The following NIN variants were observed in gnomAD, a reference collection of about 807,000 sequenced individuals.
NIN encodes ninein, also known as glycogen synthase kinase 3 beta-interacting protein.
Under a neutral mutation model 257.6 loss-of-function variants are expected in NIN, and 137 were observed. The ratio of observed to expected loss-of-function variants is 0.53; its 90% confidence interval spans 0.46 to 0.61. The LOEUF is 0.61. NIN is among the 20% of genes least tolerant of loss of function. The pLI, the probability that NIN is intolerant of heterozygous loss-of-function variation, is 0.00. For synonymous variants in NIN, 918 were observed against 919.8 expected, an observed-to-expected ratio of 1.00 and a Z score of 0.04; for missense variants, 2,439 against 2,501.2, an observed-to-expected ratio of 0.98 and a Z score of 0.53.
chr14:50,733,441 T>A (rs989154203), intron 28 of NIN, among the ~76,000 whole-genome samples: 1 of 152,220 alleles, frequency 6.6e-6, no homozygotes, highest in African/African-American at 2.4e-5. Context: ...TAAATAGGTA[T>A]GAGATGTTCT....
In NIN at chr14:50,728,815, G is replaced by GAGC. The variant is rs2040541883; in HGVS notation, c.6078+705_6078+707dup. ...GTAATATAAGATTGGATGTGGTGGT[G>GAGC]AGCTGGGATCATGCTAATGCAAACA... On this transcript the variant is annotated intron_variant, in intron 29 of 30. Coordinates refer to ENST00000530997, the MANE Select transcript of NIN (RefSeq NM_020921.4). Among the ~76,000 whole-genome samples the GAGC allele has an allele frequency of 1.1e-4, 17 of 152,336 alleles. No homozygotes were observed. The South Asian group carries it at 3.5e-3, about 32-fold the overall frequency.
At chr14:50,827,443 A>G (rs1262220893) in intron 2 of NIN, among the ~76,000 whole-genome samples, 1 of 152,190 alleles carries the variant, frequency 6.6e-6, no homozygotes, top group Non-Finnish European at 1.5e-5. Context: ...GAAGAAAGTC[A>G]CATTAAATAC....
intron 15 of NIN, 59 bp from the exon 16 acceptor site, chr14:50,761,970 C>G: frequency 6.3e-7 from 1 of 1,579,814 alleles, no homozygotes; most frequent in South Asian, 1.1e-5. Flanking sequence ...CACAGTGTGG[C>G]ATCTGAGGAG....
Position 50,738,187 on chromosome 14 carries a change from T to C in NIN, c.5728A>G (p.Arg1910Gly), listed in dbSNP as rs1438276100. ...TCTTTCTGAAACTGATCACACTCTC[T>C]CTTTAAGCTCAATTTTTCTTGCTCT... ...PTEQEKLSLK[R>G]ECDQFQKEQS... The change falls in exon 27 of 31, where the codon AGA becomes GGA. Residue 1910 changes from arginine to glycine, a missense_variant. Arg to Gly is a moderately radical substitution (Grantham distance 125). Around this residue, in one of 3 missense-constraint regions of NIN, gnomAD observed 2,043 missense variants for 2,050.2 expected, o/e 1.00. Transcript: ENST00000530997. 6.2e-7 allele frequency: 1 copy of C among 1,614,150 alleles called. No individual in the cohort carries two copies. Among genetic ancestry groups the C allele is most frequent in the African/African-American group, 1.3e-5 (1 of 75,038 alleles).
rs766954880 is a variant in NIN, at chr14:50,772,324, C to T, written c.958G>A (p.Glu320Lys). The T allele has an allele frequency of 2.5e-6, 4 of 1,611,860 alleles. No individual in the cohort carries two copies. The highest frequency in any genetic ancestry group is 2.5e-6 in the Non-Finnish European group (3 of 1,178,158). The change falls in exon 9 of 31, where the codon GAG becomes AAG. Residue 320 changes from glutamate to lysine, a missense_variant. By Grantham distance (56) the Glu-to-Lys change is moderately conservative (BLOSUM62 1). This residue lies in a region of NIN where 387 missense variants were observed against 427.3 expected (regional missense o/e 0.91). Coordinates refer to ENST00000530997, the MANE Select transcript of NIN (RefSeq NM_020921.4). ...ACCTTCAGGATCTCCTGGCTGTTCTCAATGCCCTCTTCCTGCCAGGTGTCC... is the reference window on the plus strand; with the variant it reads ...ACCTTCAGGATCTCCTGGCTGTTCTTAATGCCCTCTTCCTGCCAGGTGTCC... ...ILDTWQEEGIENSQEILKALD... is the reference protein window; with the variant it reads ...ILDTWQEEGIKNSQEILKALD...
At chr14:50,774,261 C>T (rs1203914434) in intron 7 of NIN, among the ~76,000 whole-genome samples, 1 of 152,196 alleles carries the variant, frequency 6.6e-6, no homozygotes, top group Non-Finnish European at 1.5e-5. Flanking sequence ...TTCTAATATT[C>T]CTTTTGTAAA....
At chr14:50,773,245 C>G (rs1221169305) in intron 7 of NIN, 150 bp from the exon 8 acceptor site, 5 of 545,722 alleles carry the variant, frequency 9.2e-6, no homozygotes, top group Non-Finnish European at 1.6e-5. Context: ...ACTGGTTTCC[C>G]TTTCCAGTAA....
chr14:50,727,768 AG>A (rs1566773477), intron 29 of NIN: 1 of 1,419,612 alleles, frequency 7.0e-7, no homozygotes, highest in Admixed American at 1.8e-5. Flanking sequence ...AAAGAAGGCA[AG>A]TAGTACACTT....
In NIN at chr14:50,722,425, A is replaced by G. The variant is rs1447483755; in HGVS notation, c.*1038T>C. The G allele has an allele frequency of 9.5e-6, 2 of 211,550 alleles. No individual in the cohort carries two copies. The highest frequency in any genetic ancestry group is 1.9e-5 in the Non-Finnish European group (2 of 104,172). The allele number at this position is 211,550 out of a possible 1,614,324, so 13.1% of individuals were successfully genotyped here. A position where few individuals can be genotyped will look rare whatever the true frequency, so the allele number is the denominator to read the frequency against. On this transcript the variant is annotated 3_prime_UTR_variant, in exon 31 of 31. Transcript: ENST00000530997. ...TTTTTTCCCCCAGAATATTAAATTTACTAAAAACGTAGAAATAAAAATTCT... is the reference window on the plus strand; with the variant it reads ...TTTTTTCCCCCAGAATATTAAATTTGCTAAAAACGTAGAAATAAAAATTCT...
chr14:50,825,085 T>C (rs1343121323), intron 2 of NIN, among the ~76,000 whole-genome samples: 1 of 152,222 alleles, frequency 6.6e-6, no homozygotes, highest in Non-Finnish European at 1.5e-5. Context: ...CTGGAAGGTT[T>C]GTTCTGAGAG....
chr14:50,807,458 A>G (rs980977665), intron 3 of NIN, among the ~76,000 whole-genome samples: 6 of 152,380 alleles, frequency 3.9e-5, no homozygotes, highest in African/African-American at 1.4e-4. Flanking sequence ...TTAAGTAAAT[A>G]GTCAGAACTA....
intron 28 of NIN, among the ~76,000 whole-genome samples, chr14:50,733,068 T>C (rs760180775): frequency 1.9e-4 from 29 of 149,852 alleles, no homozygotes; most frequent in Non-Finnish European, 2.7e-4. Flanking sequence ...AAAAAAAATA[T>C]CCAATTTGTG....
At position 50,766,396 on chromosome 14, in the gene NIN, A is replaced by C; in HGVS notation, c.1546T>G (p.Phe516Val). The change falls in exon 14 of 31, where the codon TTT becomes GTT. Residue 516 changes from phenylalanine to valine, a missense_variant and splice_region_variant. Transcript: ENST00000530997. ...RNLENVLAEK[F>V]GDLDPSSAEF... is the part of the protein sequence containing the mutation. ...GCACTGCTAGGATCGAGGTCACCAA[A>C]CTAGAAGGGGAAAAGGGCAAAGCTG... 1 of 1,613,990 alleles carries C rather than the reference A, an allele frequency of 6.2e-7. No homozygotes were observed. Among genetic ancestry groups the C allele is most frequent in the South Asian group, 1.1e-5 (1 of 91,072 alleles).
At chr14:50,789,181 G>A (rs1174415436) in intron 5 of NIN, among the ~76,000 whole-genome samples, 2 of 152,236 alleles carry the variant, frequency 1.3e-5, no homozygotes, top group African/African-American at 2.4e-5. Context: ...CCGAGATTAA[G>A]TATGAGCCCA....
chr14:50,756,714 C>T lies in NIN; in HGVS notation c.4316G>A (p.Gly1439Asp). The T allele has an allele frequency of 6.4e-7, 1 of 1,551,618 alleles. No individual in the cohort carries two copies. Among genetic ancestry groups the T allele is most frequent in the Non-Finnish European group, 8.7e-7 (1 of 1,146,990 alleles). The part of the protein sequence containing the change: ...VILEENTTLL[G>D]FQDKHFQHQA... The stretch of plus-strand genomic sequence containing the variant: ...ATGCTGAAAATGTTTGTCTTGAAAG[C>T]CTAGGAGAGTAGTGTTTTCCTCCAG... Residue 1439 changes from glycine (G) to aspartate (D), a missense_variant, in exon 18 of 31, where the codon GGC becomes GAC. Gly to Asp is a moderately conservative substitution (Grantham distance 94). This residue lies in a region of NIN where 2,043 missense variants were observed against 2,050.2 expected (regional missense o/e 1.00). Coordinates refer to ENST00000530997, the MANE Select transcript of NIN (RefSeq NM_020921.4).
chr14:50,759,496 CTTTT>C (rs35589008), intron 17 of NIN, among the ~76,000 whole-genome samples: 18 of 142,388 alleles, frequency 1.3e-4, no homozygotes, highest in African/African-American at 3.1e-4. Context: ...GCGACTGGCA[CTTTT>C]TTTTTTTTTT....
At position 50,723,382 on chromosome 14, in the gene NIN, C is replaced by A; in HGVS notation, c.*81G>T. 1 of 1,267,126 alleles carries A rather than the reference C, an allele frequency of 7.9e-7. No homozygotes were observed. The highest frequency in any genetic ancestry group is 1.1e-6 in the Non-Finnish European group (1 of 898,588). 78.5% of individuals were successfully genotyped at this position (1,267,126 alleles called of 1,614,324 possible). A position where few individuals can be genotyped will look rare whatever the true frequency, so the allele number is the denominator to read the frequency against. ...GTGTTGCTGGCAGTTTTAGGTTAGG[C>A]TTAATTTTAAGTTGAGAACCTACTG... is the stretch of plus-strand genomic sequence containing the variant. On this transcript the variant is annotated 3_prime_UTR_variant, in exon 31 of 31. Coordinates refer to ENST00000530997, the MANE Select transcript of NIN (RefSeq NM_020921.4).
intron 2 of NIN, among the ~76,000 whole-genome samples, chr14:50,827,485 T>C (rs2045507467): frequency 6.6e-6 from 1 of 151,886 alleles, no homozygotes; most frequent in Non-Finnish European, 1.5e-5. Flanking sequence ...CGGGGGCTCA[T>C]GCCTGTAATC....
chr14:50,724,726 G>A (rs529807968), intron 30 of NIN, among the ~76,000 whole-genome samples: 31 of 152,192 alleles, frequency 2.0e-4, no homozygotes, highest in African/African-American at 2.9e-4. Context: ...GTGTTTATAC[G>A]TGTCCACACC....
Sources: gnomAD v4.1 joint callset for allele counts (sites outside exome capture counted in the v4.1 genomes callset) on GRCh38, gnomAD v4.1.1 for gene constraint, gnomAD v4.1.1 regional missense constraint, MANE v1.5 for transcripts, NCBI Gene and HGNC (gene_info 2026-07-23, HGNC 2026-07-21) for gene names.